Variants in DNAH7 observed in about 807,000 individuals in gnomAD.
The protein encoded by DNAH7 is dynein axonemal heavy chain 7.
In DNAH7, 397 loss-of-function variants were observed where a neutral mutation model predicts 444.6. The observed-to-expected ratio is 0.89, with a 90% CI of 0.82 to 0.97. DNAH7 has a LOEUF of 0.97. Ranked by LOEUF, DNAH7 falls within the 50% of genes least tolerant of loss-of-function variation. The pLI is 0.00. For missense variants in DNAH7, 4,902 were observed against 4,800.8 expected (o/e 1.02, Z -0.62); for synonymous variants, 1,636 against 1,624.4 (o/e 1.01, Z -0.17).
chr2:195,816,592 A>T, intron 51 of DNAH7, 36 bp downstream of exon 51: 1 of 1,408,978 alleles, frequency 7.1e-7, no homozygotes, highest in Non-Finnish European at 9.9e-7. Context: ...TTCATGCATT[A>T]ATTAGTTAAT....
intron 59 of DNAH7, 105 bp downstream of exon 59, chr2:195,777,693 TAA>T: frequency 3.1e-5 from 36 of 1,150,008 alleles, no homozygotes; most frequent in Non-Finnish European, 4.4e-5. Context: ...CAGACAAGGG[TAA>T]CAAAAAAACA....
At chr2:195,882,062 T>C (rs1701417494) in intron 35 of DNAH7, 70 bp from the exon 36 acceptor site, 3 of 1,345,768 alleles carry the variant, frequency 2.2e-6, no homozygotes, top group Admixed American at 2.1e-5. Context: ...TCCTGTGCCA[T>C]TGTAGAAAAG....
chr2:195,882,168 G>A (rs1422611450), intron 35 of DNAH7, among the ~76,000 whole-genome samples, 176 bp from the exon 36 acceptor site: 2 of 152,168 alleles, frequency 1.3e-5, no homozygotes, highest in African/African-American at 4.8e-5. Flanking sequence ...GTAAATTAAG[G>A]AGAAACTAGC....
intron 2 of DNAH7, among the ~76,000 whole-genome samples, chr2:196,056,314 A>G (rs1697801615): frequency 6.6e-6 from 1 of 151,658 alleles, no homozygotes; most frequent in Non-Finnish European, 1.5e-5. Flanking sequence ...GCGTGGTGGC[A>G]TACACCTGTA....
intron 8 of DNAH7, among the ~76,000 whole-genome samples, chr2:196,020,003 A>G (rs187568488): frequency 7.1e-6 from 1 of 139,996 alleles, no homozygotes; most frequent in East Asian, 2.1e-4. Flanking sequence ...CTGCTCCTCT[A>G]TCACTACCAC....
In DNAH7 at chr2:195,987,105, AG is replaced by A. The variant is rs1692964438; in HGVS notation, c.1714del (p.Leu572Ter). 1 of 1,608,262 alleles carries A rather than the reference AG, an allele frequency of 6.2e-7. No individual in the cohort carries two copies. Among genetic ancestry groups the A allele is most frequent in the African/African-American group, 1.3e-5 (1 of 74,718 alleles). On this transcript the variant is annotated frameshift_variant, in exon 14 of 65. Transcript: ENST00000312428. LOFTEE classifies it high-confidence loss of function. ...KRADIICGKL[L>X]AKMFRDHQEV... ...CTGATGATCTCTGAACATTTTAGCT[AG>A]AAGTTTCCCACAAATAATATCTGCT...
At chr2:195,781,100 G>A (rs1160367440) in intron 58 of DNAH7, among the ~76,000 whole-genome samples, 1 of 152,114 alleles carries the variant, frequency 6.6e-6, no homozygotes, top group African/African-American at 2.4e-5. Context: ...AATCAAATCA[G>A]GAAGAATTGC....
chr2:195,906,898 G>C lies in DNAH7; in HGVS notation c.4207+9C>G. ...TTTCACATAATGCAAAGACAAACTA[G>C]TCCATTACCTCTTTGGATAGTAAGG... On this transcript the variant is annotated intron_variant, in intron 26 of 64. Coordinates refer to ENST00000312428, the MANE Select transcript of DNAH7 (RefSeq NM_018897.3). 1 of 1,611,434 alleles carries C rather than the reference G, an allele frequency of 6.2e-7. No homozygotes were observed. Among genetic ancestry groups the C allele is most frequent in the East Asian group, 2.2e-5 (1 of 44,826 alleles).
Position 195,864,850 on chromosome 2 carries a change from T to C in DNAH7, c.6805A>G (p.Met2269Val), listed in dbSNP as rs1307022898. 6.2e-7 allele frequency: 1 copy of C among 1,614,146 alleles called. No homozygotes were observed. The highest frequency in any genetic ancestry group is 1.7e-5 in the Admixed American group (1 of 60,022). ...TTGGGATCATGGAAATCACAAAACA[T>C]TAAGCTGCGTAAGTCATCTGCTTCC... ...MVEADDLRSL[M>V]FCDFHDPKRE... The change falls in exon 41 of 65, where the codon ATG (methionine) becomes GTG (valine). Residue 2269 changes from methionine (M) to valine (V), a missense_variant. Physicochemically the swap from Met to Val is conservative, Grantham distance 21. Transcript: ENST00000312428.
chr2:196,001,679 G>A lies in DNAH7; in HGVS notation c.1169C>T (p.Pro390Leu). ...MQDFTDLIAQ[P>L]PDSVRAFEHP... Reference sequence around the variant, plus strand: ...GGTGAACTGAACCATACTTACTGGGGGTTGTGCAATTAAGTCCGTGAAATC... The same window carrying A: ...GGTGAACTGAACCATACTTACTGGGAGTTGTGCAATTAAGTCCGTGAAATC... The change falls in exon 11 of 65, where the codon CCC becomes CTC. Residue 390 changes from proline (P) to leucine (L), a missense_variant. By Grantham distance (98) the Pro-to-Leu change is moderately conservative. Coordinates refer to ENST00000312428, the MANE Select transcript of DNAH7 (RefSeq NM_018897.3). The A allele has an allele frequency of 6.4e-7, 1 of 1,557,034 alleles. No individual in the cohort carries two copies. The highest frequency in any genetic ancestry group is 1.4e-5 in the African/African-American group (1 of 72,830).
chr2:195,802,697 CA>C (rs150439744), intron 54 of DNAH7, among the ~76,000 whole-genome samples: 27 of 146,076 alleles, frequency 1.8e-4, no homozygotes, highest in African/African-American at 5.8e-4. Context: ...AAAGGAAAAA[CA>C]AAAAAAAAAC....
At chr2:195,857,822 T>G (rs1384023042) in intron 43 of DNAH7, 99 bp from the exon 44 acceptor site, 2 of 1,038,780 alleles carry the variant, frequency 1.9e-6, no homozygotes, top group African/African-American at 3.2e-5. Flanking sequence ...AAACTCACTG[T>G]GTTCACTGGG....
chr2:195,817,804 G>T lies in DNAH7; in HGVS notation c.9317C>A (p.Thr3106Asn), dbSNP rs570476938. 1.1e-5 allele frequency: 17 copies of T among 1,603,666 alleles called. No homozygotes were observed. The highest frequency in any genetic ancestry group is 3.4e-5 in the South Asian group (3 of 88,492). ...AAGCTGATCTTGCATTCCCTCAGGG[G>T]TTATCATGAAGTTTAATAATGTTAC... ...VKVTLLNFMI[T>N]PEGMQDQLLG... Residue 3106 changes from threonine to asparagine, a missense_variant, in exon 50 of 65, where the codon ACC becomes AAC. Thr to Asn is a moderately conservative substitution (Grantham distance 65). Coordinates refer to ENST00000312428, the MANE Select transcript of DNAH7 (RefSeq NM_018897.3).
At chr2:196,018,113 A>C (rs771952397) in intron 9 of DNAH7, among the ~76,000 whole-genome samples, 18 of 152,148 alleles carry the variant, frequency 1.2e-4, no homozygotes, top group Non-Finnish European at 2.2e-4. Context: ...AAAGATGAAG[A>C]ACCAACAAAA....
chr2:195,834,688 C>T lies in DNAH7; in HGVS notation c.8946-328G>A, dbSNP rs150043514. On this transcript the variant is annotated intron_variant, in intron 47 of 64. Transcript: ENST00000312428. ...ACAGTGACAACCATCAAGAGGACTGCGTTGGAAATAAGGAAACTCCAGTTC... is the reference window on the plus strand; with the variant it reads ...ACAGTGACAACCATCAAGAGGACTGTGTTGGAAATAAGGAAACTCCAGTTC... Among the ~76,000 whole-genome samples the T allele has an allele frequency of 3.2e-4, 48 of 152,272 alleles. No homozygotes were observed. The East Asian group carries it at 7.5e-3, about 24-fold the overall frequency.
chr2:195,865,084 T>C (rs1700251319), intron 40 of DNAH7, 63 bp from the exon 41 acceptor site: 1 of 1,469,186 alleles, frequency 6.8e-7, no homozygotes. Context: ...AGTGTTATTA[T>C]ATCTGTGCTA....
chr2:195,866,749 T>C (rs759380431), intron 40 of DNAH7, among the ~76,000 whole-genome samples: 4 of 152,166 alleles, frequency 2.6e-5, no homozygotes, highest in Non-Finnish European at 5.9e-5. Flanking sequence ...TTTCTTTTTG[T>C]TTTTTCTTTT....
chr2:196,049,189 T>C (rs1401991447), intron 3 of DNAH7, among the ~76,000 whole-genome samples: 2 of 152,198 alleles, frequency 1.3e-5, no homozygotes, highest in African/African-American at 4.8e-5. Flanking sequence ...CTGGCTTCTC[T>C]TTCTGCCTAG....
chr2:195,949,027 T>TC (rs1690027307), intron 19 of DNAH7, among the ~76,000 whole-genome samples: 1 of 152,186 alleles, frequency 6.6e-6, no homozygotes, highest in African/African-American at 2.4e-5. Flanking sequence ...TAAGTTGTAT[T>TC]CCTAGGTATT....
Sources: gnomAD v4.1 joint callset for allele counts (sites outside exome capture counted in the v4.1 genomes callset) on GRCh38, gnomAD v4.1.1 for gene constraint, MANE v1.5 for transcripts, NCBI Gene and HGNC (gene_info 2026-07-23, HGNC 2026-07-21) for gene names.